Variants in AUTS2 observed in about 807,000 individuals in gnomAD.
AUTS2 encodes autism susceptibility gene 2 protein.
AUTS2 carries 17 observed loss-of-function variants against 112.4 expected under a neutral mutation model. That is an observed-to-expected ratio of 0.15 (90% CI 0.10 to 0.23). AUTS2 has a LOEUF of 0.23. Ranked by LOEUF, AUTS2 falls within the 10% of genes least tolerant of loss-of-function variation. The pLI is 1.00. For synonymous variants in AUTS2, 751 were observed against 702.7 expected (o/e 1.07, Z -1.09); for missense variants, 1,510 against 1,701.6 (o/e 0.89, Z 1.98).
chr7:70,554,131 C>A (rs1449627577), intron 5 of AUTS2, among the ~76,000 whole-genome samples: 13 of 147,782 alleles, frequency 8.8e-5, no homozygotes, highest in African/African-American at 3.3e-4. Flanking sequence ...TGCAATGGCG[C>A]GATCTCCACT....
chr7:69,969,462 C>T (rs1330892766), intron 2 of AUTS2, among the ~76,000 whole-genome samples: 1 of 152,138 alleles, frequency 6.6e-6, no homozygotes, highest in African/African-American at 2.4e-5. Flanking sequence ...AAAGAGAAAT[C>T]TCATTCTTGT....
At chr7:70,627,804 G>A (rs377005763) in intron 5 of AUTS2, among the ~76,000 whole-genome samples, 10 of 152,190 alleles carry the variant, frequency 6.6e-5, no homozygotes, top group South Asian at 2.1e-4. Flanking sequence ...TTATGTACAC[G>A]GTGGAGGAAA....
At chr7:69,624,004 T>G (rs935104848) in intron 1 of AUTS2, among the ~76,000 whole-genome samples, 2 of 152,232 alleles carry the variant, frequency 1.3e-5, no homozygotes, top group African/African-American at 4.8e-5. Flanking sequence ...TGTCTTTTGG[T>G]AGGTGGTGTT....
intron 1 of AUTS2, among the ~76,000 whole-genome samples, chr7:69,624,497 A>T (rs1793841808): frequency 6.6e-6 from 1 of 152,228 alleles, no homozygotes; most frequent in Admixed American, 6.5e-5. Flanking sequence ...TGTATTAAAT[A>T]GCAAGCTTGC....
In AUTS2 at chr7:70,789,560, A is replaced by G. The variant is rs3750172; in HGVS notation, c.2532-188A>G. 0.75 allele frequency among the ~76,000 whole-genome samples: 114,659 copies of G among 151,880 alleles called. 43,556 individuals are homozygous for G. Among genetic ancestry groups the G allele is most frequent in the Middle Eastern group, 0.8 (236 of 294 alleles). On this transcript the variant is annotated intron_variant, in intron 18 of 18. Coordinates refer to ENST00000342771, the MANE Select transcript of AUTS2 (RefSeq NM_015570.4). ...CCATCTCCCCCATTAAGCTTCCTCT[A>G]AAATCTAGGTAAGTAGGATAAGGGT... is the stretch of plus-strand genomic sequence containing the variant.
At chr7:69,870,457 A>ATATATATATATATATATATATATATG (rs1196082523) in intron 1 of AUTS2, among the ~76,000 whole-genome samples, 1 of 139,122 alleles carries the variant, frequency 7.2e-6, no homozygotes. Context: ...TAATATATAT[A>ATATATATATATATATATATATATATG]TATATATATG....
At chr7:70,452,778 G>C (rs1390367440) in intron 5 of AUTS2, among the ~76,000 whole-genome samples, 2 of 152,108 alleles carry the variant, frequency 1.3e-5, no homozygotes, top group African/African-American at 4.8e-5. Flanking sequence ...AGCTTTGGAG[G>C]CCCAGGATAT....
intron 1 of AUTS2, among the ~76,000 whole-genome samples, chr7:69,783,639 GA>G (rs1447599060): frequency 6.6e-6 from 1 of 152,156 alleles, no homozygotes; most frequent in African/African-American, 2.4e-5. Flanking sequence ...GAGGGCAAAG[GA>G]AAGTAGCATG....
intron 1 of AUTS2, among the ~76,000 whole-genome samples, chr7:69,733,532 G>A (rs1170430249): frequency 6.6e-6 from 1 of 152,110 alleles, no homozygotes; most frequent in Non-Finnish European, 1.5e-5. Flanking sequence ...AGTGTTCAAG[G>A]GCATACGTTG....
chr7:69,892,983 G>A (rs1284599706), intron 1 of AUTS2, among the ~76,000 whole-genome samples: 1 of 152,160 alleles, frequency 6.6e-6, no homozygotes, highest in Non-Finnish European at 1.5e-5. Context: ...TTAATGTGGT[G>A]TGAAAGATGG....
intron 4 of AUTS2, among the ~76,000 whole-genome samples, chr7:70,180,880 A>C (rs919660066): frequency 2.6e-5 from 4 of 152,024 alleles, no homozygotes; most frequent in African/African-American, 9.7e-5. Flanking sequence ...TGTTTGCTTT[A>C]TTTTATAAAA....
intron 4 of AUTS2, among the ~76,000 whole-genome samples, chr7:70,425,134 G>A (rs767773324): frequency 3.3e-5 from 5 of 152,186 alleles, no homozygotes; most frequent in East Asian, 3.9e-4. Context: ...ATGGAAAGCC[G>A]TAGCTACATT....
intron 2 of AUTS2, among the ~76,000 whole-genome samples, chr7:70,008,701 C>T (rs971982185): frequency 2.6e-5 from 4 of 152,160 alleles, no homozygotes; most frequent in Admixed American, 6.5e-5. Flanking sequence ...GGAAGTAAAA[C>T]GTGAATTGAG....
chr7:70,280,370 G>A (rs1167089787), intron 4 of AUTS2, among the ~76,000 whole-genome samples: 3 of 145,376 alleles, frequency 2.1e-5, no homozygotes, highest in Admixed American at 7.0e-5. Flanking sequence ...TGCAACTTCT[G>A]CCTCCCGGGT....
intron 4 of AUTS2, among the ~76,000 whole-genome samples, chr7:70,386,482 A>C (rs1585086296): frequency 6.6e-6 from 1 of 152,190 alleles, no homozygotes; most frequent in East Asian, 1.9e-4. Context: ...TAATTCTAGA[A>C]CATTTTCATC....
intron 2 of AUTS2, among the ~76,000 whole-genome samples, chr7:69,976,944 A>G (rs1006924791): frequency 3.3e-5 from 5 of 151,894 alleles, no homozygotes; most frequent in Non-Finnish European, 5.9e-5. Context: ...TTTAAGTTTG[A>G]TGTAGTTCCA....
intron 2 of AUTS2, among the ~76,000 whole-genome samples, chr7:69,910,043 T>G (rs1584426729): frequency 6.6e-6 from 1 of 152,224 alleles, no homozygotes; most frequent in Admixed American, 6.5e-5. Context: ...CATGGTACTT[T>G]GTGAAACTTC....
chr7:70,544,406 G>A (rs1800684321), intron 5 of AUTS2, among the ~76,000 whole-genome samples: 1 of 152,202 alleles, frequency 6.6e-6, no homozygotes, highest in South Asian at 2.1e-4. Context: ...ACAGTGAGGT[G>A]GAGATCTTGG....
intron 2 of AUTS2, among the ~76,000 whole-genome samples, chr7:69,971,110 C>T (rs1273581742): frequency 2.0e-5 from 3 of 152,056 alleles, no homozygotes; most frequent in East Asian, 1.9e-4. Context: ...CCTGGGAGGT[C>T]GAGGCTGCAG....
Sources: allele counts gnomAD v4.1 joint callset (sites outside exome capture counted in the v4.1 genomes callset), GRCh38; gene constraint gnomAD v4.1.1; transcripts MANE v1.5; gene names NCBI Gene and HGNC (gene_info 2026-07-23, HGNC 2026-07-21).